CNTN5: variants seen among roughly 807,000 people sequenced by gnomAD.
The protein encoded by CNTN5 is contactin 5, also known as contactin-5.
A neutral mutation model predicts 129.1 loss-of-function variants in CNTN5; 77 were observed. The ratio of observed to expected loss-of-function variants is 0.60; its 90% confidence interval spans 0.50 to 0.72. The LOEUF is 0.72. Ranked by LOEUF, CNTN5 falls within the 30% of genes least tolerant of loss-of-function variation. The pLI is 0.00. For missense variants in CNTN5, 1,478 were observed against 1,328.8 expected (o/e 1.11, Z -1.75); for synonymous variants, 509 against 465.6 (o/e 1.09, Z -1.20).
Position 99,403,292 on chromosome 11 carries a change from G to A in CNTN5, c.-71+77808G>A, listed in dbSNP as rs1473536363. The stretch of plus-strand genomic sequence containing the variant: ...TGGGATTACAGGCATAAGCCACCAC[G>A]CCTGGCTTGTTTAACTTTCGATAAG... On this transcript the variant is annotated intron_variant, in intron 2 of 24. Coordinates refer to ENST00000524871, the MANE Select transcript of CNTN5 (RefSeq NM_014361.4). Among the ~76,000 whole-genome samples the A allele has an allele frequency of 5.9e-5, 9 of 152,106 alleles. No individual in the cohort carries two copies. In the East Asian group the frequency reaches 1.6e-3, roughly 26 times the overall value.
At chr11:99,046,527 T>C (rs897462936) in intron 1 of CNTN5, among the ~76,000 whole-genome samples, 2 of 152,206 alleles carry the variant, frequency 1.3e-5, no homozygotes, top group Non-Finnish European at 2.9e-5. Context: ...AAAACTCCTT[T>C]ATGATACATT....
chr11:99,320,816 T>C (rs934215220), intron 1 of CNTN5, among the ~76,000 whole-genome samples: 1 of 152,080 alleles, frequency 6.6e-6, no homozygotes, highest in African/African-American at 2.4e-5. Context: ...TCCCCAGACA[T>C]TGGGTCAAAC....
At chr11:99,730,040 A>G (rs1943478205) in intron 3 of CNTN5, among the ~76,000 whole-genome samples, 1 of 152,178 alleles carries the variant, frequency 6.6e-6, no homozygotes, top group African/African-American at 2.4e-5. Context: ...CACCCTGCAC[A>G]TGTATCCCAG....
chr11:100,072,236 A>G (rs11222624), intron 12 of CNTN5, among the ~76,000 whole-genome samples: 5,908 of 152,240 alleles, frequency 0.039, 394 homozygotes, highest in African/African-American at 0.13. Context: ...GGCAGTTCCT[A>G]TCAGTAGCTG....
At chr11:99,299,720 C>T (rs980179543) in intron 1 of CNTN5, among the ~76,000 whole-genome samples, 1 of 152,126 alleles carries the variant, frequency 6.6e-6, no homozygotes, top group Non-Finnish European at 1.5e-5. Context: ...CCGCAAAAGA[C>T]ATGATTTCAT....
chr11:99,384,374 T>G (rs771332353), intron 2 of CNTN5, among the ~76,000 whole-genome samples: 3 of 152,170 alleles, frequency 2.0e-5, no homozygotes, highest in Non-Finnish European at 4.4e-5. Flanking sequence ...AATATAATAA[T>G]AGTTTTGCAA....
At chr11:99,618,124 G>A (rs1211802705) in intron 3 of CNTN5, among the ~76,000 whole-genome samples, 5 of 152,192 alleles carry the variant, frequency 3.3e-5, no homozygotes, top group African/African-American at 1.2e-4. Context: ...CAGAGGTCTG[G>A]AAAGTGGTTT....
At chr11:99,423,044 A>G (rs1942969057) in intron 2 of CNTN5, among the ~76,000 whole-genome samples, 1 of 152,186 alleles carries the variant, frequency 6.6e-6, no homozygotes, top group South Asian at 2.1e-4. Flanking sequence ...ACACTAAGAG[A>G]CTGCAGGTAC....
At chr11:100,084,420 G>A (rs1475513239) in intron 13 of CNTN5, among the ~76,000 whole-genome samples, 1 of 152,034 alleles carries the variant, frequency 6.6e-6, no homozygotes, top group Non-Finnish European at 1.5e-5. Flanking sequence ...TTGTACGGTC[G>A]AGATTTTTAG....
intron 10 of CNTN5, among the ~76,000 whole-genome samples, chr11:100,061,916 C>T (rs1297965842): frequency 6.6e-6 from 1 of 152,188 alleles, no homozygotes; most frequent in Non-Finnish European, 1.5e-5. Context: ...GAGCATTTTT[C>T]AGAATAAGTT....
At chr11:100,206,243 A>T (rs530245149) in intron 15 of CNTN5, among the ~76,000 whole-genome samples, 2 of 152,120 alleles carry the variant, frequency 1.3e-5, no homozygotes, top group Non-Finnish European at 2.9e-5. Context: ...AGTACAAAAG[A>T]AAAAGACTTT....
At chr11:99,741,532 C>T (rs1373683859) in intron 3 of CNTN5, among the ~76,000 whole-genome samples, 1 of 152,082 alleles carries the variant, frequency 6.6e-6, no homozygotes, top group Non-Finnish European at 1.5e-5. Context: ...ACTGTGCAGA[C>T]TGTCACCTTA....
At chr11:99,939,576 A>G (rs1345744407) in intron 7 of CNTN5, among the ~76,000 whole-genome samples, 1 of 152,114 alleles carries the variant, frequency 6.6e-6, no homozygotes, top group African/African-American at 2.4e-5. Context: ...AAAAATGACA[A>G]TCTAATAGTG....
intron 3 of CNTN5, among the ~76,000 whole-genome samples, chr11:99,585,759 A>T (rs1490042758): frequency 1.3e-5 from 2 of 152,152 alleles, no homozygotes; most frequent in African/African-American, 4.8e-5. Context: ...GTGAGGAGTA[A>T]AGGCTGGAGA....
At chr11:99,748,015 T>C (rs1944112051) in intron 3 of CNTN5, among the ~76,000 whole-genome samples, 1 of 152,210 alleles carries the variant, frequency 6.6e-6, no homozygotes, top group Non-Finnish European at 1.5e-5. Context: ...ATCACATTTA[T>C]TGATTTGTGT....
chr11:99,305,991 G>GA (rs924995485), intron 1 of CNTN5, among the ~76,000 whole-genome samples: 10 of 150,774 alleles, frequency 6.6e-5, no homozygotes, highest in Non-Finnish European at 1.0e-4. Context: ...AAAAAAAAAA[G>GA]AAAAAAAATA....
chr11:100,356,160 C>T lies in CNTN5; in HGVS notation c.3243C>T (p.Ser1081=). Residue 1081 remains serine, a synonymous_variant, in exon 25 of 25, where the codon TCC becomes TCT. Coordinates refer to ENST00000524871, the MANE Select transcript of CNTN5 (RefSeq NM_014361.4). ...TSAQSTLHSL[S]TSSSSVTLLL... ...CACAGTCGACCCTTCACTCTCTCTC[C>T]ACATCTTCGTCATCAGTCACCTTGC... The T allele has an allele frequency of 1.2e-6, 2 of 1,610,698 alleles. No homozygotes were observed. Among genetic ancestry groups the T allele is most frequent in the South Asian group, 2.2e-5 (2 of 90,660 alleles).
intron 9 of CNTN5, among the ~76,000 whole-genome samples, chr11:100,010,467 G>A (rs1940460564): frequency 6.6e-6 from 1 of 152,064 alleles, no homozygotes; most frequent in African/African-American, 2.4e-5. Context: ...TTTTATTGCT[G>A]CTAAGGGAAG....
At chr11:99,491,361 G>A (rs962769638) in intron 2 of CNTN5, among the ~76,000 whole-genome samples, 2 of 152,046 alleles carry the variant, frequency 1.3e-5, no homozygotes, top group East Asian at 1.9e-4. Flanking sequence ...CTAACATACT[G>A]TCAAAACGGA....
Sources: gnomAD v4.1 joint callset for allele counts (sites outside exome capture counted in the v4.1 genomes callset) on GRCh38, gnomAD v4.1.1 for gene constraint, MANE v1.5 for transcripts, NCBI Gene and HGNC (gene_info 2026-07-23, HGNC 2026-07-21) for gene names.